SLC25A24: variants seen among roughly 807,000 people sequenced by gnomAD.
The protein encoded by SLC25A24 is mitochondrial adenyl nucleotide antiporter SLC25A24.
A neutral mutation model predicts 60.7 loss-of-function variants in SLC25A24; 49 were observed. The ratio of observed to expected loss-of-function variants is 0.81; its 90% confidence interval spans 0.64 to 1.02. The LOEUF (loss-of-function observed/expected upper bound fraction) is 1.02. Among genes scored for constraint, SLC25A24 ranks in the 50% least tolerant of loss-of-function variants. SLC25A24 has a pLI of 0.00. For synonymous variants in SLC25A24, 202 were observed against 200.6 expected (o/e 1.01, Z -0.06); for missense variants, 564 against 586.3 (o/e 0.96, Z 0.39).
chr1:108,154,326 T>C (rs1679831000), intron 6 of SLC25A24, among the ~76,000 whole-genome samples: 1 of 152,196 alleles, frequency 6.6e-6, no homozygotes, highest in African/African-American at 2.4e-5. Flanking sequence ...GTTCTGCTAA[T>C]GACCATAAAG....
intron 8 of SLC25A24, among the ~76,000 whole-genome samples, chr1:108,143,312 C>T (rs79631903): frequency 1.5e-3 from 228 of 152,250 alleles, no homozygotes; most frequent in African/African-American, 4.7e-3. Context: ...AACAACTATA[C>T]CTAACTTTGA....
intron 2 of SLC25A24, 84 bp downstream of exon 2, chr1:108,185,744 G>C (rs1648101975): frequency 2.0e-6 from 2 of 997,090 alleles, no homozygotes; most frequent in African/African-American, 3.3e-5. Context: ...AAACCAGAGA[G>C]ATTAAATAAG....
intron 4 of SLC25A24, among the ~76,000 whole-genome samples, chr1:108,160,883 GAGCCGAGATGGC>G (rs1209190069): frequency 6.6e-6 from 1 of 152,206 alleles, no homozygotes; most frequent in Admixed American, 6.5e-5. Flanking sequence ...AGGTTGCAGT[GAGCCGAGATGGC>G]AGCAGTACAG....
At chr1:108,194,570 T>C (rs1648435399) in intron 1 of SLC25A24, among the ~76,000 whole-genome samples, 1 of 147,010 alleles carries the variant, frequency 6.8e-6, no homozygotes, top group Admixed American at 7.1e-5. Context: ...GTTGAGAGTT[T>C]CATCTAATAA....
intron 3 of SLC25A24, among the ~76,000 whole-genome samples, chr1:108,166,355 G>A (rs1680252206): frequency 6.6e-6 from 1 of 151,726 alleles, no homozygotes; most frequent in South Asian, 2.1e-4. Context: ...TGCTAGATTG[G>A]GGAAGTTCTC....
At position 108,143,245 on chromosome 1, in the gene SLC25A24, C is replaced by T. The variant is rs112070446; in HGVS notation, c.1098+298G>A. On this transcript the variant is annotated intron_variant, in intron 8 of 9. Coordinates refer to ENST00000565488, the MANE Select transcript of SLC25A24 (RefSeq NM_013386.5). ...TCACATTAGTCACTTGGCTTAATGT[C>T]AGATTTTTGCAAATCCAAAACAAAG... is the stretch of plus-strand genomic sequence containing the variant. Among the ~76,000 whole-genome samples the T allele has an allele frequency of 1.1e-4, 16 of 152,270 alleles. 1 individual carries two copies. Among genetic ancestry groups the T allele is most frequent in the African/African-American group, 2.9e-4 (12 of 41,552 alleles).
At chr1:108,164,683 T>A (rs1173870934) in intron 3 of SLC25A24, among the ~76,000 whole-genome samples, 3 of 150,314 alleles carry the variant, frequency 2.0e-5, no homozygotes, top group Admixed American at 6.6e-5. Flanking sequence ...TCTTCTCTCT[T>A]TTTTTCTTTA....
intron 1 of SLC25A24, chr1:108,192,936 C>G: frequency 3.2e-6 from 1 of 310,274 alleles, no homozygotes; most frequent in Non-Finnish European, 5.0e-6. Context: ...CCGGCTCCCA[C>G]TCCAGGAAGA....
chr1:108,165,889 C>T (rs1478231501), intron 3 of SLC25A24, among the ~76,000 whole-genome samples: 7 of 152,146 alleles, frequency 4.6e-5, no homozygotes, highest in Non-Finnish European at 8.8e-5. Flanking sequence ...TTCCTAGTCT[C>T]GACGGTCTTT....
intron 2 of SLC25A24, 100 bp downstream of exon 2, chr1:108,185,728 C>A: frequency 2.4e-6 from 2 of 830,190 alleles, no homozygotes; most frequent in East Asian, 6.0e-5. Context: ...TAATAATTAT[C>A]ATCTAAAACC....
chr1:108,143,855 T>C (rs989651295), intron 7 of SLC25A24, 145 bp from the exon 8 acceptor site: 5 of 676,966 alleles, frequency 7.4e-6, no homozygotes, highest in Non-Finnish European at 2.4e-6. Flanking sequence ...TTCTCTTTCA[T>C]GTATTACCTC....
At chr1:108,177,712 A>G (rs1397524948) in intron 3 of SLC25A24, among the ~76,000 whole-genome samples, 2 of 152,212 alleles carry the variant, frequency 1.3e-5, no homozygotes, top group African/African-American at 2.4e-5. Flanking sequence ...AAGAGGATAT[A>G]ATAGTAAGTT....
At chr1:108,187,927 G>GATAGATATATATATATACATATATAT in intron 1 of SLC25A24, among the ~76,000 whole-genome samples, 1 of 95,748 alleles carries the variant, frequency 1.0e-5, no homozygotes, top group African/African-American at 4.2e-5. Flanking sequence ...AGACATTATA[G>GATAGATATATATATATACATATATAT]ATATATATAT....
intron 1 of SLC25A24, 126 bp downstream of exon 1, chr1:108,199,830 C>T (rs949448484): frequency 6.8e-6 from 5 of 739,386 alleles, no homozygotes; most frequent in Non-Finnish European, 1.1e-5. Flanking sequence ...CACCGGAGCG[C>T]TGGGCGCCAC....
intron 3 of SLC25A24, among the ~76,000 whole-genome samples, chr1:108,176,043 A>G (rs1050876351): frequency 1.3e-5 from 2 of 152,182 alleles, no homozygotes; most frequent in African/African-American, 4.8e-5. Context: ...GACCATCCCT[A>G]AAGAAACAGA....
At chr1:108,190,598 G>GA (rs1235335696) in intron 1 of SLC25A24, among the ~76,000 whole-genome samples, 3 of 150,958 alleles carry the variant, frequency 2.0e-5, no homozygotes, top group Non-Finnish European at 4.4e-5. Context: ...ACTTTCACAG[G>GA]AAAAAACAAA....
At chr1:108,167,165 C>T (rs1418682410) in intron 3 of SLC25A24, among the ~76,000 whole-genome samples, 4 of 150,564 alleles carry the variant, frequency 2.7e-5, no homozygotes, top group African/African-American at 4.9e-5. Flanking sequence ...TCTCCAGCTG[C>T]GTGCTGGGAG....
intron 1 of SLC25A24, chr1:108,198,500 T>C (rs1648564782): frequency 6.6e-6 from 1 of 152,204 alleles, no homozygotes; most frequent in Admixed American, 6.5e-5. Flanking sequence ...CCATTGCAAT[T>C]TCACTTACAA....
At chr1:108,138,671 T>C (rs2101594548) in intron 9 of SLC25A24, among the ~76,000 whole-genome samples, 1 of 152,278 alleles carries the variant, frequency 6.6e-6, no homozygotes, top group South Asian at 2.1e-4. Flanking sequence ...TTGTTGGTAA[T>C]TCTTACAACA....
Sources: allele counts gnomAD v4.1 joint callset (sites outside exome capture counted in the v4.1 genomes callset), GRCh38; gene constraint gnomAD v4.1.1; transcripts MANE v1.5; gene names NCBI Gene and HGNC (gene_info 2026-07-23, HGNC 2026-07-21).